Variants in DOCK2 observed in about 807,000 individuals in gnomAD.
The protein encoded by DOCK2 is dedicator of cytokinesis 2, also known as dedicator of cytokinesis protein 2.
DOCK2 carries 87 observed loss-of-function variants against 248.9 expected under a neutral mutation model. That is an observed-to-expected ratio of 0.35 (90% CI 0.29 to 0.42). The LOEUF is 0.42. Among genes scored for constraint, DOCK2 ranks in the 10% least tolerant of loss-of-function variants. The probability of loss-of-function intolerance (pLI) is 1.00; values close to 1 mark genes in which losing one functional copy is unlikely to be tolerated. For synonymous variants in DOCK2, 805 were observed against 821.6 expected (o/e 0.98, Z 0.35); for missense variants, 1,747 against 2,300.2 (o/e 0.76, Z 4.92).
At chr5:169,907,509 G>T (rs1160641514) in intron 27 of DOCK2, among the ~76,000 whole-genome samples, 2 of 152,184 alleles carry the variant, frequency 1.3e-5, no homozygotes, top group African/African-American at 2.4e-5. Flanking sequence ...TAATGATAAT[G>T]GTAACCACCA....
In DOCK2 at chr5:169,840,836, G is replaced by A. The variant is rs754028409; in HGVS notation, c.2783G>A (p.Arg928Gln). 1.7e-5 allele frequency: 28 copies of A among 1,613,682 alleles called. No individual in the cohort carries two copies. Among genetic ancestry groups the A allele is most frequent in the South Asian group, 8.8e-5 (8 of 91,056 alleles). ...TVNRTVITMG[R>Q]DHILISHFVA... ...AACCGGACAGTCATCACCATGGGCC[G>A]GGATCACATTCTGATTGTGAGTGGA... Residue 928 changes from arginine (R) to glutamine (Q), a missense_variant, in exon 27 of 52, where the codon CGG becomes CAG. Transcript: ENST00000520908.
chr5:169,818,123 C>T (rs949703843), intron 26 of DOCK2, among the ~76,000 whole-genome samples: 7 of 152,210 alleles, frequency 4.6e-5, no homozygotes, highest in Non-Finnish European at 7.3e-5. Flanking sequence ...CCTACGTGAA[C>T]ATGCGTAACC....
intron 25 of DOCK2, among the ~76,000 whole-genome samples, chr5:169,769,214 A>G (rs955418691): frequency 6.6e-6 from 1 of 152,172 alleles, no homozygotes; most frequent in African/African-American, 2.4e-5. Context: ...TTCTGACTCA[A>G]AACAGTCCCC....
At chr5:169,754,943 A>AT (rs1446465361) in intron 23 of DOCK2, among the ~76,000 whole-genome samples, 1 of 149,772 alleles carries the variant, frequency 6.7e-6, no homozygotes, top group East Asian at 1.9e-4. Context: ...TTATTTATTT[A>AT]TTTATTTATT....
At position 169,840,843 on chromosome 5, in the gene DOCK2, C is replaced by T. The variant is rs1581268325; in HGVS notation, c.2790C>T (p.His930=). 2 of 1,613,868 alleles carry T rather than the reference C, an allele frequency of 1.2e-6. No homozygotes were observed. The highest frequency in any genetic ancestry group is 8.5e-7 in the Non-Finnish European group (1 of 1,179,934). Residue 930 remains histidine (H), a synonymous_variant, in exon 27 of 52, where the codon CAC becomes CAT. Transcript: ENST00000520908. ...CAGTCATCACCATGGGCCGGGATCA[C>T]ATTCTGATTGTGAGTGGATTATTTC... The part of the protein sequence containing the change: ...NRTVITMGRD[H]ILISHFVACM...
chr5:169,814,592 G>A (rs1767954231), intron 26 of DOCK2, among the ~76,000 whole-genome samples: 1 of 152,132 alleles, frequency 6.6e-6, no homozygotes, highest in African/African-American at 2.4e-5. Flanking sequence ...TAATGTAAGA[G>A]GTTAACATTA....
At chr5:169,799,172 T>C (rs767893200) in intron 25 of DOCK2, among the ~76,000 whole-genome samples, 2 of 152,224 alleles carry the variant, frequency 1.3e-5, no homozygotes, top group Non-Finnish European at 2.9e-5. Flanking sequence ...GGCACATCTT[T>C]TGGTGACTCC....
intron 22 of DOCK2, 130 bp downstream of exon 22, chr5:169,718,921 C>T: frequency 7.9e-7 from 1 of 1,260,094 alleles, no homozygotes; most frequent in Non-Finnish European, 1.1e-6. Context: ...GCTCAAGAAT[C>T]CAACCTAGAG....
At chr5:169,846,584 G>A (rs1458462797) in intron 27 of DOCK2, among the ~76,000 whole-genome samples, 6 of 138,530 alleles carry the variant, frequency 4.3e-5, no homozygotes, top group Admixed American at 3.7e-4. Context: ...GATAGAAAGT[G>A]TATATATATA....
chr5:169,770,922 G>T (rs1449303876), intron 25 of DOCK2, among the ~76,000 whole-genome samples: 2 of 152,172 alleles, frequency 1.3e-5, no homozygotes, highest in African/African-American at 2.4e-5. Context: ...GAACATTCTT[G>T]TACATGTCTC....
chr5:169,668,945 C>T lies in DOCK2; in HGVS notation c.128-343C>T, dbSNP rs147673469. On this transcript the variant is annotated intron_variant, in intron 2 of 51. Coordinates refer to ENST00000520908, the MANE Select transcript of DOCK2 (RefSeq NM_004946.3). ...GGCAATGGACACAAGGGAGGGGCTG[C>T]GTTGAGGCTGGTGGACTGGAGGCAG... Among the ~76,000 whole-genome samples, 1,157 of 152,220 alleles carry T rather than the reference C, an allele frequency of 7.6e-3. 11 individuals are homozygous for T. The highest frequency in any genetic ancestry group is 0.02 in the South Asian group (97 of 4,820).
intron 17 of DOCK2, 53 bp from the exon 18 acceptor site, chr5:169,713,975 T>G: frequency 6.6e-7 from 1 of 1,523,390 alleles, no homozygotes; most frequent in South Asian, 1.3e-5. Context: ...AGGCTCTGTG[T>G]GGCATTGGGC....
At chr5:169,733,293 C>T (rs976673979) in intron 22 of DOCK2, among the ~76,000 whole-genome samples, 2 of 151,876 alleles carry the variant, frequency 1.3e-5, no homozygotes, top group Non-Finnish European at 2.9e-5. Flanking sequence ...TCTAAAGTTA[C>T]ATTTTTAACA....
At chr5:169,910,651 C>T (rs1169326808) in intron 27 of DOCK2, among the ~76,000 whole-genome samples, 1 of 152,168 alleles carries the variant, frequency 6.6e-6, no homozygotes, top group Admixed American at 6.5e-5. Flanking sequence ...GCAGGGGCCA[C>T]GGCAATGAAG....
chr5:169,702,290 C>T lies in DOCK2; in HGVS notation c.1259-13C>T. On this transcript the variant is annotated splice_polypyrimidine_tract_variant and intron_variant, in intron 13 of 51. Coordinates refer to ENST00000520908, the MANE Select transcript of DOCK2 (RefSeq NM_004946.3). Reference sequence around the variant, plus strand: ...TCCACACTAACTCTTGTCTCTCTCTCCCTCTGCCTCAGGGGATGTCAGGAA... The same window carrying T: ...TCCACACTAACTCTTGTCTCTCTCTTCCTCTGCCTCAGGGGATGTCAGGAA... 1.2e-6 allele frequency: 2 copies of T among 1,613,228 alleles called. No individual in the cohort carries two copies. The highest frequency in any genetic ancestry group is 2.2e-5 in the South Asian group (2 of 91,008).
intron 27 of DOCK2, among the ~76,000 whole-genome samples, chr5:169,950,028 C>T (rs527354366): frequency 6.6e-6 from 1 of 152,308 alleles, no homozygotes; most frequent in East Asian, 1.9e-4. Context: ...GAGGGGATCA[C>T]AGATGCTTCC....
chr5:169,949,333 G>C (rs1206150179), intron 27 of DOCK2, among the ~76,000 whole-genome samples: 1 of 152,120 alleles, frequency 6.6e-6, no homozygotes, highest in African/African-American at 2.4e-5. Flanking sequence ...GTAAATAGAG[G>C]CACCTGGGAA....
chr5:169,948,289 C>A (rs568601794), intron 27 of DOCK2, among the ~76,000 whole-genome samples: 1 of 135,414 alleles, frequency 7.4e-6, no homozygotes, highest in Admixed American at 7.0e-5. Flanking sequence ...GGATTCAGAA[C>A]GTTTTTTAAA....
chr5:170,033,296 C>T (rs1181271185), intron 34 of DOCK2, among the ~76,000 whole-genome samples: 1 of 152,086 alleles, frequency 6.6e-6, no homozygotes, highest in Non-Finnish European at 1.5e-5. Flanking sequence ...TGCCTAGCAA[C>T]TAATAGATGC....
Sources: allele counts gnomAD v4.1 joint callset (sites outside exome capture counted in the v4.1 genomes callset), GRCh38; gene constraint gnomAD v4.1.1; transcripts MANE v1.5; gene names NCBI Gene and HGNC (gene_info 2026-07-23, HGNC 2026-07-21).